DNMT3A: variants seen among roughly 807,000 people sequenced by gnomAD.
The protein encoded by DNMT3A is DNA methyltransferase 3 alpha, also known as DNA (cytosine-5)-methyltransferase 3A.
In DNMT3A, 267 loss-of-function variants were observed where a neutral mutation model predicts 117.6. The observed-to-expected ratio is 2.27, with a 90% CI of 2.05 to 2.51. DNMT3A has a LOEUF of 2.51. Among genes scored for constraint, DNMT3A ranks in the 30% most tolerant of loss-of-function variants. DNMT3A has a pLI of 0.00. For missense variants in DNMT3A, 1,029 were observed against 1,260.2 expected (o/e 0.82, Z 2.78); for synonymous variants, 432 against 474.8 (o/e 0.91, Z 1.17).
chr2:25,289,831 C>A (rs2032611008), intron 3 of DNMT3A, among the ~76,000 whole-genome samples: 1 of 152,238 alleles, frequency 6.6e-6, no homozygotes, highest in African/African-American at 2.4e-5. Flanking sequence ...ATTCCCCAGC[C>A]CTGCCGCCGC....
chr2:25,246,566 G>A, intron 10 of DNMT3A, 54 bp downstream of exon 10: 1 of 1,580,384 alleles, frequency 6.3e-7, no homozygotes, highest in Non-Finnish European at 8.6e-7. Flanking sequence ...CCCAGCCCTG[G>A]TGTGGATCTG....
chr2:25,246,531 G>A, intron 10 of DNMT3A, 89 bp downstream of exon 10: 1 of 1,527,600 alleles, frequency 6.5e-7, no homozygotes, highest in Non-Finnish European at 8.8e-7. Flanking sequence ...TGGAGGCCTT[G>A]GCAGCCCTCC....
chr2:25,245,169 A>G lies in DNMT3A; in HGVS notation c.1554+84T>C, dbSNP rs557344641. ...ACGCACACCGGGTGTCACCCTGTAC[A>G]TGCCCAGAAGCGGTGGACACAGTCA... is the stretch of plus-strand genomic sequence containing the variant. On this transcript the variant is annotated intron_variant, in intron 13 of 22. Transcript: ENST00000321117. 6.1e-5 allele frequency: 82 copies of G among 1,345,142 alleles called. No homozygotes were observed. In the South Asian group the frequency reaches 6.2e-4, roughly 10 times the overall value. The allele number at this position is 1,345,142 out of a possible 1,614,324, so 83.3% of individuals were successfully genotyped here. A position where few individuals can be genotyped will look rare whatever the true frequency, so the allele number is the denominator to read the frequency against.
rs1249889415 is a variant in DNMT3A at position 25,289,307 on chromosome 2, C to T, written c.178-6596G>A. ...TAGAGATGGGGTTTCTCCATGTTGG[C>T]CAGGCTGGTCTCAAACTCCTGATCC... On this transcript the variant is annotated intron_variant, in intron 3 of 22. Transcript: ENST00000321117. 2.6e-5 allele frequency among the ~76,000 whole-genome samples: 4 copies of T among 151,938 alleles called. No homozygotes were observed. The East Asian group carries it at 7.7e-4, about 29-fold the overall frequency.
At position 25,252,239 on chromosome 2, in the gene DNMT3A, G is replaced by C. The variant is rs775133548; in HGVS notation, c.640-3987C>G. On this transcript the variant is annotated intron_variant, in intron 6 of 22. Transcript: ENST00000321117. This position sits in a 1 kb window ranked among gnomAD's most constrained non-coding sequence, Gnocchi z 5.5. ...CCTCTGCAGTCGCGCTCAGGTGTGA[G>C]CCGCGGCCCTGAAGCTCTGGAAGTA... 6.6e-7 allele frequency: 1 copy of C among 1,523,122 alleles called. No homozygotes were observed. The highest frequency in any genetic ancestry group is 1.2e-5 in the South Asian group (1 of 81,266). The allele number at this position is 1,523,122 out of a possible 1,614,324, so 94.4% of individuals were successfully genotyped here.
chr2:25,300,769 A>G lies in DNMT3A; in HGVS notation c.73-526T>C, dbSNP rs1416583280. Among the ~76,000 whole-genome samples the G allele has an allele frequency of 9.8e-5, 7 of 71,568 alleles. No individual in the cohort carries two copies. The Admixed American group carries it at 1.3e-3, about 13-fold the overall frequency. The allele number at this position is 71,568 out of a possible 152,430, so 47.0% of individuals were successfully genotyped here. A position where few individuals can be genotyped will look rare whatever the true frequency, so the allele number is the denominator to read the frequency against. ...TATATATATATATATATATATATATAAATAATACATCCTTTGGGGAACTTC... is the reference window on the plus strand; with the variant it reads ...TATATATATATATATATATATATATGAATAATACATCCTTTGGGGAACTTC... On this transcript the variant is annotated intron_variant, in intron 2 of 22. Coordinates refer to ENST00000321117, the MANE Select transcript of DNMT3A (RefSeq NM_022552.5).
rs115656260 is a variant in DNMT3A, at chr2:25,272,577, G to A, written c.639+2364C>T. ...GCAAAGCCCCTGTTTCTGGGTTGCG[G>A]GGAACCCAGGAGTGCAGCGACTGAC... On this transcript the variant is annotated intron_variant, in intron 6 of 22. Transcript: ENST00000321117. Among the ~76,000 whole-genome samples the A allele has an allele frequency of 8.2e-3, 1,253 of 152,224 alleles. 19 individuals carry two copies. Among genetic ancestry groups the A allele is most frequent in the African/African-American group, 0.029 (1,199 of 41,506 alleles).
chr2:25,283,466 G>A (rs1471791943), intron 3 of DNMT3A, among the ~76,000 whole-genome samples: 1 of 151,830 alleles, frequency 6.6e-6, no homozygotes, highest in African/African-American at 2.4e-5. Context: ...TGGGACTCAG[G>A]CTGGTCTGAC....
rs532649343 is a variant in DNMT3A, at chr2:25,279,393, C to G, written c.448+3048G>C. Among the ~76,000 whole-genome samples the G allele has an allele frequency of 2.0e-5, 3 of 152,200 alleles. No individual in the cohort carries two copies. The East Asian group carries it at 5.8e-4, about 29-fold the overall frequency. On this transcript the variant is annotated intron_variant, in intron 4 of 22. Coordinates refer to ENST00000321117, the MANE Select transcript of DNMT3A (RefSeq NM_022552.5). Reference sequence around the variant, plus strand: ...AAGGAGACCACGGCCGAGCCACATCCTCTCCGGGGCCTTAGTCTCCTTCCT... The same window carrying G: ...AAGGAGACCACGGCCGAGCCACATCGTCTCCGGGGCCTTAGTCTCCTTCCT...
Position 25,286,196 on chromosome 2 carries a change from G to A in DNMT3A, c.178-3485C>T, listed in dbSNP as rs2032295855. On this transcript the variant is annotated intron_variant, in intron 3 of 22. Transcript: ENST00000321117. The surrounding 1 kb of genome is among the most constrained non-coding windows in gnomAD (Gnocchi z 4.3). ...TTGACTGCTGGCTCCGTAGCATAGA[G>A]ACCTATGAGGGCCGGCTCTGAGGCC... is the stretch of plus-strand genomic sequence containing the variant. Among the ~76,000 whole-genome samples, 1 of 152,166 alleles carries A rather than the reference G, an allele frequency of 6.6e-6. No individual in the cohort carries two copies. Among genetic ancestry groups the A allele is most frequent in the South Asian group, 2.1e-4 (1 of 4,826 alleles).
intron 1 of DNMT3A, among the ~76,000 whole-genome samples, chr2:25,335,607 G>A (rs1314184535): frequency 2.6e-5 from 4 of 152,128 alleles, no homozygotes; most frequent in East Asian, 1.9e-4. Flanking sequence ...ATCAGATCTC[G>A]AACATCTGCA....
rs1366427627 is a variant in DNMT3A, at chr2:25,294,577, C to T, written c.177+5562G>A. 6.6e-6 allele frequency among the ~76,000 whole-genome samples: 1 copy of T among 152,152 alleles called. No individual in the cohort carries two copies. The highest frequency in any genetic ancestry group is 1.5e-5 in the Non-Finnish European group (1 of 68,024). ...GAGGTCCGGAGGGTTAGCCCAGGAG[C>T]GGCTCTGATCTGAAAACAAGCAGGG... On this transcript the variant is annotated intron_variant, in intron 3 of 22. Transcript: ENST00000321117. This position sits in a 1 kb window ranked among gnomAD's most constrained non-coding sequence, Gnocchi z 4.7.
chr2:25,281,820 C>A lies in DNMT3A; in HGVS notation c.448+621G>T. 1 of 1,066,498 alleles carries A rather than the reference C, an allele frequency of 9.4e-7. No individual in the cohort carries two copies. The highest frequency in any genetic ancestry group is 1.1e-6 in the Non-Finnish European group (1 of 880,008). The allele number at this position is 1,066,498 out of a possible 1,614,324, so 66.1% of individuals were successfully genotyped here. On this transcript the variant is annotated intron_variant, in intron 4 of 22. Coordinates refer to ENST00000321117, the MANE Select transcript of DNMT3A (RefSeq NM_022552.5). The surrounding 1 kb of genome is among the most constrained non-coding windows in gnomAD (Gnocchi z 4.8). ...CCAAAAAGTCCCCAGATGAAGAGGC[C>A]TGGGCTGGGCAGTACACAGAATACA...
chr2:25,262,950 C>T (rs1676738986), intron 6 of DNMT3A, among the ~76,000 whole-genome samples: 1 of 152,106 alleles, frequency 6.6e-6, no homozygotes, highest in South Asian at 2.1e-4. Context: ...CTCTTTAACA[C>T]TTTTTTATTT....
intron 2 of DNMT3A, 90 bp from the exon 3 acceptor site, chr2:25,300,333 T>C (rs1413857673): frequency 1.4e-6 from 2 of 1,427,606 alleles, no homozygotes; most frequent in African/African-American, 1.4e-5. Context: ...TGGCTTCCCT[T>C]CCAGCCCCAG....
chr2:25,272,654 C>T (rs950140923), intron 6 of DNMT3A, among the ~76,000 whole-genome samples: 12 of 152,166 alleles, frequency 7.9e-5, no homozygotes, highest in African/African-American at 2.9e-4. Context: ...CAACATTCCA[C>T]GCACAGGGGT....
chr2:25,235,254 G>A (rs1242914106), intron 22 of DNMT3A, among the ~76,000 whole-genome samples: 1 of 151,424 alleles, frequency 6.6e-6, no homozygotes, highest in African/African-American at 2.4e-5. Context: ...GCGCAATCTC[G>A]GCTCACTGCA....
In DNMT3A at chr2:25,282,391, G is replaced by C. The variant is rs931656068; in HGVS notation, c.448+50C>G. 9 of 1,588,374 alleles carry C rather than the reference G, an allele frequency of 5.7e-6. No homozygotes were observed. The highest frequency in any genetic ancestry group is 7.7e-6 in the Non-Finnish European group (9 of 1,167,474). Reference sequence around the variant, plus strand: ...TGGAGAGCCAAGTCCCTGACTCTCAGGGTATGCTGGTGGGCCCAGAAGAGG... The same window carrying C: ...TGGAGAGCCAAGTCCCTGACTCTCACGGTATGCTGGTGGGCCCAGAAGAGG... On this transcript the variant is annotated intron_variant, in intron 4 of 22. Transcript: ENST00000321117. The surrounding 1 kb of genome is among the most constrained non-coding windows in gnomAD (Gnocchi z 5.2).
intron 4 of DNMT3A, among the ~76,000 whole-genome samples, chr2:25,280,241 G>C (rs965682612): frequency 1.3e-5 from 2 of 151,804 alleles, no homozygotes; most frequent in African/African-American, 2.4e-5. Context: ...GGATCCAGAT[G>C]ACATGAGCTT....
Sources: gnomAD v4.1 joint callset for allele counts (sites outside exome capture counted in the v4.1 genomes callset) on GRCh38, gnomAD v4.1.1 for gene constraint, Gnocchi (gnomAD v3.1) non-coding constraint, MANE v1.5 for transcripts, NCBI Gene and HGNC (gene_info 2026-07-23, HGNC 2026-07-21) for gene names.